Variants in RELL1 observed in about 807,000 individuals in gnomAD.
RELL1 encodes RELT-like protein 1.
RELL1 carries 10 observed loss-of-function variants against 23.0 expected under a neutral mutation model. That is an observed-to-expected ratio of 0.43 (90% CI 0.27 to 0.74). The LOEUF (loss-of-function observed/expected upper bound fraction) is 0.74, where lower values mean the gene tolerates loss of function less well. Among genes scored for constraint, RELL1 ranks in the 30% least tolerant of loss-of-function variants. The pLI is 0.19. For synonymous variants in RELL1, 146 were observed against 146.8 expected (o/e 0.99, Z 0.04); for missense variants, 315 against 364.4 (o/e 0.86, Z 1.10).
chr4:37,640,348 G>A (rs766288409), intron 3 of RELL1, among the ~76,000 whole-genome samples: 1 of 152,190 alleles, frequency 6.6e-6, no homozygotes, highest in Non-Finnish European at 1.5e-5. Flanking sequence ...AAAGAAGACA[G>A]TTCCCTCTGT....
At chr4:37,652,898 A>G (rs1312592987) in intron 1 of RELL1, among the ~76,000 whole-genome samples, 2 of 152,192 alleles carry the variant, frequency 1.3e-5, no homozygotes, top group East Asian at 3.8e-4. Context: ...ACCTGGCAGA[A>G]ATAACAGACA....
At chr4:37,598,252 C>CAAAAAAAAAAAAAAAAAAAAAA (rs56142508) in intron 6 of RELL1, among the ~76,000 whole-genome samples, 1 of 11,336 alleles carries the variant, frequency 8.8e-5, no homozygotes, top group East Asian at 1.3e-3. Flanking sequence ...AACTCTGTCT[C>CAAAAAAAAAAAAAAAAAAAAAA]AAAAAAAAAA....
At chr4:37,587,836 GC>G (rs1577544260), downstream of RELL1, among the ~76,000 whole-genome samples, 1 of 152,020 alleles carries the variant, frequency 6.6e-6, no homozygotes, top group Non-Finnish European at 1.5e-5. Context: ...AGGCATGGTG[GC>G]ACCCGCCTGT....
intron 6 of RELL1, among the ~76,000 whole-genome samples, chr4:37,595,786 C>G (rs1334882346): frequency 6.6e-6 from 1 of 152,076 alleles, no homozygotes; most frequent in Non-Finnish European, 1.5e-5. Flanking sequence ...AGAATGAGTC[C>G]ACGTTACCCT....
intron 3 of RELL1, among the ~76,000 whole-genome samples, chr4:37,641,839 G>T (rs568559703): frequency 6.6e-6 from 1 of 152,142 alleles, no homozygotes; most frequent in South Asian, 2.1e-4. Context: ...GCGCCGGCAC[G>T]TGCCAGTCAC....
rs142694729 is a variant in RELL1 at position 37,660,104 on chromosome 4, GC to G, written c.89-10605del. ...TATTTATTTATTTATTTATTTTTAA[GC>G]TAACATTCAAATCACAGTATCTGAG... On this transcript the variant is annotated intron_variant, in intron 1 of 6. Coordinates refer to ENST00000454158, the MANE Select transcript of RELL1 (RefSeq NM_001085400.2). Among the ~76,000 whole-genome samples the G allele has an allele frequency of 0.012, 1,896 of 152,028 alleles. 137 individuals carry two copies. In the South Asian group the frequency reaches 0.16, roughly 13 times the overall value.
downstream of RELL1, among the ~76,000 whole-genome samples, chr4:37,609,036 G>T (rs1297686884): frequency 6.6e-6 from 1 of 152,224 alleles, no homozygotes; most frequent in Admixed American, 6.5e-5. Flanking sequence ...GAAAATCTAG[G>T]TAAGATCATG....
intron 6 of RELL1, among the ~76,000 whole-genome samples, chr4:37,631,151 C>T (rs957489114): frequency 6.6e-6 from 1 of 152,156 alleles, no homozygotes; most frequent in Non-Finnish European, 1.5e-5. Flanking sequence ...CCTCTATCCT[C>T]ATTATCACAC....
intron 1 of RELL1, among the ~76,000 whole-genome samples, chr4:37,663,348 C>G (rs1028707892): frequency 1.3e-5 from 2 of 152,128 alleles, no homozygotes; most frequent in African/African-American, 4.8e-5. Flanking sequence ...ATGGCTCTTG[C>G]GAACCTTTAA....
At chr4:37,679,900 C>A (rs551351204) in intron 1 of RELL1, among the ~76,000 whole-genome samples, 1 of 151,598 alleles carries the variant, frequency 6.6e-6, no homozygotes, top group Non-Finnish European at 1.5e-5. Flanking sequence ...TGCAGTGACC[C>A]GAGATCACAC....
intron 1 of RELL1, among the ~76,000 whole-genome samples, chr4:37,677,414 C>T (rs1167318378): frequency 6.6e-6 from 1 of 152,224 alleles, no homozygotes; most frequent in African/African-American, 2.4e-5. Context: ...GACTCTGCTT[C>T]CTCCTCCTAA....
At chr4:37,596,380 T>C (rs1469364808) in intron 6 of RELL1, among the ~76,000 whole-genome samples, 1 of 152,078 alleles carries the variant, frequency 6.6e-6, no homozygotes, top group Non-Finnish European at 1.5e-5. Flanking sequence ...TCCTGGCATC[T>C]ACATCGTTTT....
intron 6 of RELL1, among the ~76,000 whole-genome samples, chr4:37,625,416 A>G (rs1030795833): frequency 3.3e-5 from 5 of 152,244 alleles, no homozygotes; most frequent in African/African-American, 9.6e-5. Flanking sequence ...AACAGAGTGA[A>G]GAGATAACTT....
At chr4:37,587,841 C>T (rs189801890), downstream of RELL1, among the ~76,000 whole-genome samples, 524 of 152,070 alleles carry the variant, frequency 3.4e-3, 3 homozygotes, top group Non-Finnish European at 3.8e-3. Flanking sequence ...TGGTGGCACC[C>T]GCCTGTAAAC....
intron 1 of RELL1, among the ~76,000 whole-genome samples, chr4:37,681,758 AC>A (rs1466330607): frequency 2.0e-5 from 3 of 151,868 alleles, no homozygotes; most frequent in Non-Finnish European, 4.4e-5. Flanking sequence ...TGAACTCCTG[AC>A]CTCGTGATCT....
chr4:37,663,783 A>C (rs1721437351), intron 1 of RELL1, among the ~76,000 whole-genome samples: 1 of 152,158 alleles, frequency 6.6e-6, no homozygotes, highest in South Asian at 2.1e-4. Context: ...CTTGGGTTTT[A>C]TCTAGTGACA....
At chr4:37,673,481 C>G (rs1368184953) in intron 1 of RELL1, among the ~76,000 whole-genome samples, 1 of 152,136 alleles carries the variant, frequency 6.6e-6, no homozygotes, top group Non-Finnish European at 1.5e-5. Flanking sequence ...CGTGAGCCAC[C>G]ACACTAGGCC....
downstream of RELL1, among the ~76,000 whole-genome samples, chr4:37,609,500 T>C (rs947478242): frequency 2.0e-5 from 3 of 152,228 alleles, no homozygotes; most frequent in Non-Finnish European, 4.4e-5. Flanking sequence ...TCAAGTCTAA[T>C]TATTTAAGAA....
downstream of RELL1, among the ~76,000 whole-genome samples, chr4:37,607,226 G>A (rs181577725): frequency 6.6e-6 from 1 of 152,352 alleles, no homozygotes; most frequent in Admixed American, 6.5e-5. Flanking sequence ...GGGGACATTA[G>A]TGAGACAATG....
Sources: gnomAD v4.1 joint callset for allele counts (sites outside exome capture counted in the v4.1 genomes callset) on GRCh38, gnomAD v4.1.1 for gene constraint, MANE v1.5 for transcripts, NCBI Gene and HGNC (gene_info 2026-07-23, HGNC 2026-07-21) for gene names.